TG: variants seen among roughly 807,000 people sequenced by gnomAD.
TG encodes thyroglobulin, also known as thyroid hormones.
TG carries 270 observed loss-of-function variants against 324.7 expected under a neutral mutation model. The observed-to-expected ratio is 0.83, with a 90% confidence interval of 0.75 to 0.92. The LOEUF (loss-of-function observed/expected upper bound fraction) is 0.92, where lower values mean the gene tolerates loss of function less well. Among genes scored for constraint, TG ranks in the 40% least tolerant of loss-of-function variants. TG has a pLI of 0.00. For missense variants in TG, 3,591 were observed against 3,456.4 expected (o/e 1.04, Z -0.98); for synonymous variants, 1,401 against 1,327.0 (o/e 1.06, Z -1.21).
chr8:133,056,703 T>C lies in TG; in HGVS notation c.7239+26680T>C, dbSNP rs371491275. ...GCTGTGAGAATCGAGTCTGCATATG[T>C]AAAGCACTGGGCACTGTGTCTGGAG... On this transcript the variant is annotated intron_variant, in intron 41 of 47. Coordinates refer to ENST00000220616, the MANE Select transcript of TG (RefSeq NM_003235.5). Among the ~76,000 whole-genome samples, 19 of 152,306 alleles carry C rather than the reference T, an allele frequency of 1.2e-4. No individual in the cohort carries two copies. The East Asian group carries it at 2.9e-3, about 23-fold the overall frequency.
At chr8:132,939,055 A>C (rs1177342307) in intron 25 of TG, among the ~76,000 whole-genome samples, 1 of 151,088 alleles carries the variant, frequency 6.6e-6, no homozygotes, top group African/African-American at 2.4e-5. Flanking sequence ...CAAAAAAAAA[A>C]AAAAAAAAAA....
chr8:133,013,565 G>A (rs370852797), intron 36 of TG, 35 bp from the exon 37 acceptor site: 30 of 1,613,308 alleles, frequency 1.9e-5, no homozygotes, highest in African/African-American at 1.1e-4. Context: ...ACATCTCTGA[G>A]GCCCAAGCAT....
chr8:133,005,805 G>A (rs1456287714), intron 35 of TG, among the ~76,000 whole-genome samples: 1 of 152,100 alleles, frequency 6.6e-6, no homozygotes, highest in Non-Finnish European at 1.5e-5. Context: ...TTGGCTCCCC[G>A]GGAGGTGTGC....
At chr8:132,941,603 A>C in intron 26 of TG, 61 bp downstream of exon 26, 2 of 1,597,908 alleles carry the variant, frequency 1.3e-6, no homozygotes, top group Non-Finnish European at 1.7e-6. Context: ...GGGATGCAGA[A>C]GCCAGGACAC....
intron 1 of TG, 97 bp from the exon 2 acceptor site, chr8:132,868,018 G>A (rs1839129977): frequency 9.1e-6 from 10 of 1,095,666 alleles, no homozygotes; most frequent in Non-Finnish European, 1.4e-5. Flanking sequence ...AGGTAATGAT[G>A]ATGACCCTGG....
At chr8:133,118,680 A>G (rs1426755782) in intron 45 of TG, among the ~76,000 whole-genome samples, 1 of 152,102 alleles carries the variant, frequency 6.6e-6, no homozygotes, top group East Asian at 1.9e-4. Context: ...CCAATTTTGC[A>G]GGGTTGAAAT....
chr8:133,028,706 G>C (rs1011673954), intron 40 of TG, among the ~76,000 whole-genome samples: 9 of 152,200 alleles, frequency 5.9e-5, no homozygotes, highest in Admixed American at 4.6e-4. Flanking sequence ...GTAAGTGGTG[G>C]AGTTGGGACT....
chr8:132,870,662 G>A (rs1021598343), intron 3 of TG, among the ~76,000 whole-genome samples: 4 of 152,034 alleles, frequency 2.6e-5, no homozygotes, highest in Non-Finnish European at 5.9e-5. Context: ...TCTGCAGGCT[G>A]TGCCGAAGCA....
intron 35 of TG, chr8:133,003,074 A>G: frequency 1.9e-6 from 2 of 1,058,642 alleles, no homozygotes; most frequent in Non-Finnish European, 2.3e-6. Context: ...TGTGTTTGTC[A>G]TTTTGGCGAA....
intron 22 of TG, among the ~76,000 whole-genome samples, chr8:132,926,015 G>C (rs535690487): frequency 2.0e-5 from 3 of 152,334 alleles, no homozygotes; most frequent in African/African-American, 7.2e-5. Context: ...GCAAAGCTCT[G>C]AGCTTAAGTT....
At chr8:133,097,929 G>A (rs1471394064) in intron 43 of TG, among the ~76,000 whole-genome samples, 1 of 152,174 alleles carries the variant, frequency 6.6e-6, no homozygotes, top group African/African-American at 2.4e-5. Context: ...CAGCGATAGA[G>A]TTCTCTCTGA....
chr8:133,058,792 T>C (rs1345041645), intron 41 of TG, among the ~76,000 whole-genome samples: 2 of 152,226 alleles, frequency 1.3e-5, no homozygotes, highest in African/African-American at 4.8e-5. Flanking sequence ...CACCTTGTCA[T>C]CTGGTTCCAC....
chr8:133,047,977 C>T, intron 41 of TG: 1 of 1,274,318 alleles, frequency 7.8e-7, no homozygotes, highest in Non-Finnish European at 1.1e-6. Flanking sequence ...AACAAGCCCT[C>T]CCCCAGGAAA....
chr8:133,113,000 T>C (rs1455985974), intron 43 of TG, among the ~76,000 whole-genome samples: 3 of 152,144 alleles, frequency 2.0e-5, no homozygotes, highest in Admixed American at 6.5e-5. Context: ...TGAAACTGAA[T>C]TTAGCTCTCC....
intron 26 of TG, among the ~76,000 whole-genome samples, chr8:132,943,092 A>T (rs368316900): frequency 1.1e-4 from 17 of 152,246 alleles, no homozygotes; most frequent in African/African-American, 4.1e-4. Flanking sequence ...CCTCCTGGGT[A>T]TAAGAGCCCC....
intron 38 of TG, among the ~76,000 whole-genome samples, chr8:133,018,417 GGC>G (rs1336171910): frequency 1.3e-5 from 2 of 152,118 alleles, no homozygotes; most frequent in African/African-American, 4.8e-5. Flanking sequence ...CTATTGCAGT[GGC>G]CAAGCTCAGC....
At chr8:132,898,356 C>T in intron 13 of TG, 110 bp downstream of exon 13, 1 of 1,106,696 alleles carries the variant, frequency 9.0e-7, no homozygotes, top group Non-Finnish European at 1.3e-6. Context: ...GCCCTTCAGC[C>T]AGGTCCCGGG....
intron 41 of TG, among the ~76,000 whole-genome samples, chr8:133,041,700 C>A (rs1012595828): frequency 1.3e-5 from 2 of 151,960 alleles, no homozygotes; most frequent in Non-Finnish European, 1.5e-5. Flanking sequence ...AAAGAACCAC[C>A]ACTCATAAGC....
intron 41 of TG, among the ~76,000 whole-genome samples, chr8:133,057,974 T>A (rs542220658): frequency 3.6e-4 from 55 of 152,148 alleles, no homozygotes; most frequent in African/African-American, 9.9e-4. Flanking sequence ...GAAGCTAATG[T>A]GGGAGCTGGC....
Sources: gnomAD v4.1 joint callset for allele counts (sites outside exome capture counted in the v4.1 genomes callset) on GRCh38, gnomAD v4.1.1 for gene constraint, MANE v1.5 for transcripts, NCBI Gene and HGNC (gene_info 2026-07-23, HGNC 2026-07-21) for gene names.